LRCH4: variants seen among roughly 807,000 people sequenced by gnomAD.
LRCH4 encodes the protein leucine-rich repeat and calponin homology domain-containing protein 4.
In LRCH4, 56 loss-of-function variants were observed where a neutral mutation model predicts 81.2. The ratio of observed to expected loss-of-function variants is 0.69; its 90% CI spans 0.56 to 0.86. The LOEUF (loss-of-function observed/expected upper bound fraction) is 0.86. LRCH4 is among the 40% of genes least tolerant of loss of function. The probability of loss-of-function intolerance (pLI) is 0.00; values close to 1 mark genes in which losing one functional copy is unlikely to be tolerated. For synonymous variants in LRCH4, 442 were observed against 409.7 expected (o/e 1.08, Z -0.95); for missense variants, 895 against 922.8 (o/e 0.97, Z 0.39).
At position 100,576,269 on chromosome 7, in the gene LRCH4, T is replaced by C. The variant is rs1349668117; in HGVS notation, c.1607A>G (p.Asp536Gly). The change falls in exon 15 of 18, where the codon GAT (aspartate) becomes GGT (glycine). Residue 536 changes from aspartate to glycine, a missense_variant. Asp to Gly is a moderately conservative substitution (Grantham distance 94). Transcript: ENST00000310300. The part of the protein sequence containing the change: ...LRPRRYPQVP[D>G]EKDLMTQLRQ... The stretch of plus-strand genomic sequence containing the variant: ...CAGCTGAGTCATTAAGTCCTTCTCA[T>C]CTGGAACCTGGGGGTACCGCCGAGG... The C allele has an allele frequency of 1.2e-6, 2 of 1,613,904 alleles. No homozygotes were observed. Among genetic ancestry groups the C allele is most frequent in the Non-Finnish European group, 1.7e-6 (2 of 1,179,998 alleles).
Position 100,575,786 on chromosome 7 carries a change from GGGT to G in LRCH4, c.1777-7_1777-5del, listed in dbSNP as rs1801337056. 6.2e-7 allele frequency: 1 copy of G among 1,607,894 alleles called. No individual in the cohort carries two copies. The highest frequency in any genetic ancestry group is 1.3e-5 in the African/African-American group (1 of 74,756). Reference sequence around the variant, plus strand: ...CCTTGAGGGCACTGAGTTTTGGCTGGGGTGGGTGAAAGAAGAAAATGTGGTAAG... The same window carrying G: ...CCTTGAGGGCACTGAGTTTTGGCTGGGGGTGAAAGAAGAAAATGTGGTAAG... On this transcript the variant is annotated splice_region_variant and splice_polypyrimidine_tract_variant and intron_variant, in intron 16 of 17. Transcript: ENST00000310300. This position sits in a 1 kb window ranked among gnomAD's most constrained non-coding sequence, Gnocchi z 5.3.
rs1393846112 is a variant in LRCH4 at position 100,576,277 on chromosome 7, C to G, written c.1599G>C (p.Gln533His). 1.2e-6 allele frequency: 2 copies of G among 1,614,158 alleles called. No homozygotes were observed. The highest frequency in any genetic ancestry group is 2.2e-5 in the South Asian group (2 of 91,082). Residue 533 changes from glutamine to histidine, a missense_variant, in exon 15 of 18, where the codon CAG becomes CAC. Around this residue, in one of 3 missense-constraint regions of LRCH4, gnomAD observed 529 missense variants for 504.9 expected, o/e 1.05. Transcript: ENST00000310300. ...TCATTAAGTCCTTCTCATCTGGAAC[C>G]TGGGGGTACCGCCGAGGTCTCAGGA... is the stretch of plus-strand genomic sequence containing the variant. ...DSVLRPRRYPQVPDEKDLMTQ... is the reference protein window; with the variant it reads ...DSVLRPRRYPHVPDEKDLMTQ...
At position 100,575,495 on chromosome 7, in the gene LRCH4, A is replaced by G. The variant is rs1584402641; in HGVS notation, c.1855-191T>C. ...ATGTGCAGGACAGGTGACATGCAGG[A>G]CAAGATGGGGCCTGCAGGGCAGGGG... On this transcript the variant is annotated intron_variant, in intron 17 of 17. Transcript: ENST00000310300. The surrounding 1 kb of genome is among the most constrained non-coding windows in gnomAD (Gnocchi z 5.3). The G allele has an allele frequency of 1.2e-6, 1 of 826,232 alleles. No individual in the cohort carries two copies. The highest frequency in any genetic ancestry group is 1.4e-5 in the South Asian group (1 of 72,676). 51.2% of individuals were successfully genotyped at this position (826,232 alleles called of 1,614,324 possible).
Position 100,577,305 on chromosome 7 carries a change from C to G in LRCH4, c.1263G>C (p.Gln421His). The G allele has an allele frequency of 6.3e-7, 1 of 1,595,734 alleles. No homozygotes were observed. Among genetic ancestry groups the G allele is most frequent in the Non-Finnish European group, 8.5e-7 (1 of 1,177,346 alleles). Residue 421 changes from glutamine to histidine, a missense_variant, in exon 11 of 18, where the codon CAG becomes CAC. Gln to His is a conservative substitution (Grantham distance 24). Transcript: ENST00000310300. The surrounding 1 kb of genome is among the most constrained non-coding windows in gnomAD (Gnocchi z 6.7). ...WQERERRQQQ[Q>H]SGAWGAPRKD... is the part of the protein sequence containing the mutation. Reference sequence around the variant, plus strand: ...TCCTCGGGGCCCCCCACGCCCCGCTCTGCTGCTGCTGCCGCCGTTCCCGCT... The same window carrying G: ...TCCTCGGGGCCCCCCACGCCCCGCTGTGCTGCTGCTGCCGCCGTTCCCGCT...
At chr7:100,581,285 T>C (rs185679114) in intron 4 of LRCH4, among the ~76,000 whole-genome samples, 93 of 152,336 alleles carry the variant, frequency 6.1e-4, no homozygotes, top group Middle Eastern at 3.4e-3. Flanking sequence ...GTTTACAGTT[T>C]GTTTTATATA....
intron 13 of LRCH4, 47 bp downstream of exon 13, chr7:100,576,855 C>T (rs1334948240): frequency 6.5e-7 from 1 of 1,536,320 alleles, no homozygotes; most frequent in South Asian, 1.2e-5. Flanking sequence ...TCCCAACCAG[C>T]CCTCACCAAC....
chr7:100,582,532 C>T lies in LRCH4; in HGVS notation c.221-73G>A. ...GACAGGACCTTCAGTCCCCCCAGAG[C>T]CGGCTGCCCACTCCCTCACCTCCAC... On this transcript the variant is annotated intron_variant, in intron 1 of 17. Transcript: ENST00000310300. The surrounding 1 kb of genome is among the most constrained non-coding windows in gnomAD (Gnocchi z 5.0). The T allele has an allele frequency of 2.0e-6, 3 of 1,485,474 alleles. No homozygotes were observed. The highest frequency in any genetic ancestry group is 2.7e-6 in the Non-Finnish European group (3 of 1,098,730). The allele number at this position is 1,485,474 out of a possible 1,614,324, so 92.0% of individuals were successfully genotyped here.
rs1252917517 is a variant in LRCH4, at chr7:100,582,044, C to T, written c.489G>A (p.Gln163=). ...CTGGTCCCGTCCCCATCCTCACAAGCTGTCGCAGGCTTCCCAGGGTGCCGA... is the reference window on the plus strand; with the variant it reads ...CTGGTCCCGTCCCCATCCTCACAAGTTGTCGCAGGCTTCCCAGGGTGCCGA... ...PDIGTLGSLR[Q]LDVSSNELQS... The change falls in exon 3 of 18, where the codon CAG becomes CAA. Residue 163 remains glutamine (Q), a synonymous_variant. Transcript: ENST00000310300. This position sits in a 1 kb window ranked among gnomAD's most constrained non-coding sequence, Gnocchi z 5.0. 1.9e-6 allele frequency: 3 copies of T among 1,607,454 alleles called. No individual in the cohort carries two copies. The Admixed American group carries it at 5.1e-5, about 27-fold the overall frequency.
In LRCH4 at chr7:100,577,092, A is replaced by G. The variant is rs959033026; in HGVS notation, c.1358T>C (p.Met453Thr). 14 of 1,614,132 alleles carry G rather than the reference A, an allele frequency of 8.7e-6. No homozygotes were observed. Among genetic ancestry groups the G allele is most frequent in the Middle Eastern group, 3.3e-4 (2 of 6,062 alleles). The change falls in exon 12 of 18, where the codon ATG becomes ACG. Residue 453 changes from methionine (M) to threonine (T), a missense_variant. Physicochemically the swap from Met to Thr is moderately conservative, Grantham distance 81 (BLOSUM62 -1). Around this residue, in one of 3 missense-constraint regions of LRCH4, gnomAD observed 529 missense variants for 504.9 expected, o/e 1.05. Transcript: ENST00000310300. This position sits in a 1 kb window ranked among gnomAD's most constrained non-coding sequence, Gnocchi z 6.7. ...ATGCTGGCAGGAAACCTACTTGTGC[A>G]TGGCTTGAGTGGACACGGCGGCGGC... ...GGAAAVSTQA[M>T]HNGSPKSSAS...
Position 100,582,578 on chromosome 7 carries a change from C to G in LRCH4, c.221-119G>C. ...TCCACACCTAAAGATTCAAGGCCAT[C>G]AATGTGGCCTCCCAGGAGAGATAAC... is the stretch of plus-strand genomic sequence containing the variant. On this transcript the variant is annotated intron_variant, in intron 1 of 17. Transcript: ENST00000310300. This position sits in a 1 kb window ranked among gnomAD's most constrained non-coding sequence, Gnocchi z 5.0. The G allele has an allele frequency of 1.0e-6, 1 of 994,650 alleles. No individual in the cohort carries two copies. The highest frequency in any genetic ancestry group is 1.5e-6 in the Non-Finnish European group (1 of 672,130). The allele number at this position is 994,650 out of a possible 1,614,324, so 61.6% of individuals were successfully genotyped here. A position where few individuals can be genotyped will look rare whatever the true frequency, so the allele number is the denominator to read the frequency against.
chr7:100,576,073 T>TG (rs1801349063), intron 15 of LRCH4, 65 bp from the exon 16 acceptor site: 2 of 1,542,886 alleles, frequency 1.3e-6, no homozygotes, highest in Non-Finnish European at 8.7e-7. Context: ...GCAGGGAGAG[T>TG]GGGGGGCTCA....
Position 100,575,562 on chromosome 7 carries a change from G to T in LRCH4, c.1854+143C>A. 1 of 1,036,032 alleles carries T rather than the reference G, an allele frequency of 9.7e-7. No homozygotes were observed. Among genetic ancestry groups the T allele is most frequent in the Non-Finnish European group, 1.5e-6 (1 of 659,944 alleles). 64.2% of individuals were successfully genotyped at this position (1,036,032 alleles called of 1,614,324 possible). On this transcript the variant is annotated intron_variant, in intron 17 of 17. Transcript: ENST00000310300. The surrounding 1 kb of genome is among the most constrained non-coding windows in gnomAD (Gnocchi z 5.3). ...ACATGCAGGGCAGGGGGCATGCAGG[G>T]CAGGGGGCATGCTGGGCAGGGCAGG...
chr7:100,576,116 T>C, intron 15 of LRCH4, 108 bp from the exon 16 acceptor site: 1 of 1,478,868 alleles, frequency 6.8e-7, no homozygotes. Context: ...TGTCCCTTCC[T>C]GTCCTCAGGG....
At position 100,577,694 on chromosome 7, in the gene LRCH4, G is replaced by A. The variant is rs761154684; in HGVS notation, c.1086C>T (p.Pro362=). The A allele has an allele frequency of 9.3e-6, 15 of 1,613,880 alleles. No individual in the cohort carries two copies. Among genetic ancestry groups the A allele is most frequent in the Admixed American group, 6.7e-5 (4 of 60,024 alleles). Residue 362 remains proline, a synonymous_variant, in exon 9 of 18, where the codon CCC becomes CCT. Transcript: ENST00000310300. This position sits in a 1 kb window ranked among gnomAD's most constrained non-coding sequence, Gnocchi z 6.7. The part of the protein sequence containing the change: ...VQIDFIDSHV[P]GEDEERGTVE... Reference sequence around the variant, plus strand: ...CAGTGCCTCGCTCTTCATCCTCCCCGGGGACATGGCTGTCGATGAAGTCAA... The same window carrying A: ...CAGTGCCTCGCTCTTCATCCTCCCCAGGGACATGGCTGTCGATGAAGTCAA...
rs773558238 is a variant in LRCH4, at chr7:100,575,185, A to G, written c.1974T>C (p.Gly658=). 51 of 1,613,078 alleles carry G rather than the reference A, an allele frequency of 3.2e-5. No individual in the cohort carries two copies. The highest frequency in any genetic ancestry group is 4.2e-5 in the Non-Finnish European group (50 of 1,179,604). ...KALPPLWPPS[G]LGGFVVFYVV... Reference sequence around the variant, plus strand: ...CGTAGAAGACGACGAAGCCGCCCAGACCAGAGGGGGGCCAGAGGGGCGGTA... The same window carrying G: ...CGTAGAAGACGACGAAGCCGCCCAGGCCAGAGGGGGGCCAGAGGGGCGGTA... The change falls in exon 18 of 18, where the codon GGT becomes GGC. Residue 658 remains glycine, a synonymous_variant. Transcript: ENST00000310300. The surrounding 1 kb of genome is among the most constrained non-coding windows in gnomAD (Gnocchi z 5.3).
At chr7:100,585,821 C>A in intron 1 of LRCH4, 60 bp downstream of exon 1, 2 of 1,443,030 alleles carry the variant, frequency 1.4e-6, no homozygotes, top group South Asian at 3.0e-5. Flanking sequence ...CCGGGCGGGG[C>A]CCGGGGTGGG....
In LRCH4 at chr7:100,582,438, G is replaced by A. The variant is rs557058360; in HGVS notation, c.242C>T (p.Pro81Leu). The part of the protein sequence containing the change: ...TQADLSRNRF[P>L]EVPEAACQLV... ...CTGGCACGCCGCCTCGGGCACCTCG[G>A]GAAACCGGTTCCGGGACAGGTCTGG... The change falls in exon 2 of 18, where the codon CCC (proline) becomes CTC (leucine). Residue 81 changes from proline (P) to leucine (L), a missense_variant. Transcript: ENST00000310300. This position sits in a 1 kb window ranked among gnomAD's most constrained non-coding sequence, Gnocchi z 5.0. 6.2e-7 allele frequency: 1 copy of A among 1,611,118 alleles called. No homozygotes were observed. The highest frequency in any genetic ancestry group is 1.1e-5 in the South Asian group (1 of 91,084).
intron 3 of LRCH4, 53 bp from the exon 4 acceptor site, chr7:100,581,935 C>G (rs1408862526): frequency 1.9e-6 from 3 of 1,610,300 alleles, no homozygotes; most frequent in Non-Finnish European, 2.5e-6. Context: ...CCAGCAGAAC[C>G]CACCCTCCCA....
In LRCH4 at chr7:100,586,007, G is replaced by C. The variant is rs373246308; in HGVS notation, c.94C>G (p.Arg32Gly). The C allele has an allele frequency of 6.2e-7, 1 of 1,609,394 alleles. No homozygotes were observed. The highest frequency in any genetic ancestry group is 2.2e-5 in the East Asian group (1 of 44,626). ...VPGSPGLPGR[R>G]SAERALEEAV... ...TCCTCTAGGGCCCGCTCTGCACTGC[G>C]TCTCCCCGGCAGACCTGGAGACCCG... The change falls in exon 1 of 18, where the codon CGC becomes GGC. Residue 32 changes from arginine to glycine, a missense_variant. This residue lies in a region of LRCH4 where 360 missense variants were observed against 397.0 expected (regional missense o/e 0.91). Coordinates refer to ENST00000310300, the MANE Select transcript of LRCH4 (RefSeq NM_002319.5).
Sources: gnomAD v4.1 joint callset for allele counts (sites outside exome capture counted in the v4.1 genomes callset) on GRCh38, gnomAD v4.1.1 for gene constraint, gnomAD v4.1.1 regional missense constraint, Gnocchi (gnomAD v3.1) non-coding constraint, MANE v1.5 for transcripts, NCBI Gene and HGNC (gene_info 2026-07-23, HGNC 2026-07-21) for gene names.